The following ELMO1 variants were observed in gnomAD, a reference collection of about 807,000 sequenced individuals.
ELMO1 encodes the protein engulfment and cell motility protein 1.
Under a neutral mutation model 98.9 loss-of-function variants are expected in ELMO1, and 26 were observed. The ratio of observed to expected loss-of-function variants is 0.26; its 90% CI spans 0.19 to 0.36. The LOEUF (loss-of-function observed/expected upper bound fraction) is 0.36. ELMO1 is among the 10% of genes least tolerant of loss of function. The pLI is 1.00. For missense variants in ELMO1, 627 were observed against 935.2 expected (o/e 0.67, Z 4.30); for synonymous variants, 346 against 346.0 (o/e 1.00, Z 0.00).
intron 14 of ELMO1, among the ~76,000 whole-genome samples, chr7:37,114,491 C>A (rs1785445006): frequency 6.6e-6 from 1 of 152,132 alleles, no homozygotes; most frequent in Admixed American, 6.5e-5. Context: ...GAGCCAGAGA[C>A]TTTAGTCACT....
intron 5 of ELMO1, among the ~76,000 whole-genome samples, chr7:37,265,855 T>A (rs1796213588): frequency 6.6e-6 from 1 of 152,130 alleles, no homozygotes; most frequent in Non-Finnish European, 1.5e-5. Flanking sequence ...CACACCTGCA[T>A]CTGTCCAGGC....
intron 13 of ELMO1, among the ~76,000 whole-genome samples, chr7:37,171,887 G>C (rs1314742294): frequency 6.6e-6 from 1 of 152,130 alleles, no homozygotes; most frequent in Non-Finnish European, 1.5e-5. Flanking sequence ...AACACCATCA[G>C]ATTCAATCCA....
rs372268331 is a variant in ELMO1, at chr7:37,333,170, A to G, written c.78+9443T>C. ...CCTTGGAGTTCTGGACACACTGCAC[A>G]TTGGTCTATATACTCCTAAAGTACA... On this transcript the variant is annotated intron_variant, in intron 2 of 21. Coordinates refer to ENST00000310758, the MANE Select transcript of ELMO1 (RefSeq NM_014800.11). Among the ~76,000 whole-genome samples, 51 of 152,300 alleles carry G rather than the reference A, an allele frequency of 3.3e-4. No homozygotes were observed. The South Asian group carries it at 0.01, about 30-fold the overall frequency.
At position 37,000,376 on chromosome 7, in the gene ELMO1, G is replaced by A. The variant is rs117101816; in HGVS notation, c.1437+12923C>T. Among the ~76,000 whole-genome samples the A allele has an allele frequency of 5.7e-3, 861 of 152,204 alleles. 2 individuals carry two copies. Among genetic ancestry groups the A allele is most frequent in the Non-Finnish European group, 9.3e-3 (636 of 68,022 alleles). On this transcript the variant is annotated intron_variant, in intron 16 of 21. Transcript: ENST00000310758. ...CAAAAAGCCATATGCCATACACCTC[G>A]GATCCAGCCAAGCCACGCAAACAAA...
intron 4 of ELMO1, among the ~76,000 whole-genome samples, chr7:37,294,779 C>G (rs970240577): frequency 1.1e-4 from 17 of 152,136 alleles, no homozygotes; most frequent in African/African-American, 4.1e-4. Context: ...GCAGGTGGAT[C>G]GCCTGAGGTC....
intron 1 of ELMO1, among the ~76,000 whole-genome samples, chr7:37,383,608 C>T (rs954670101): frequency 6.6e-6 from 1 of 152,164 alleles, no homozygotes; most frequent in Admixed American, 6.5e-5. Context: ...TATTTTGTTA[C>T]ATTTTTGGAA....
rs148847189 is a variant in ELMO1, at chr7:37,140,510, A to C, written c.1087-7276T>G. ...TGACCAAGAACCCAAAAGCAAATGC[A>C]ACAAAAACAAACATAAATAGAAGGG... On this transcript the variant is annotated intron_variant, in intron 13 of 21. Transcript: ENST00000310758. 7.4e-3 allele frequency among the ~76,000 whole-genome samples: 1,126 copies of C among 152,338 alleles called. 14 individuals are homozygous for C. Among genetic ancestry groups the C allele is most frequent in the African/African-American group, 0.025 (1,031 of 41,586 alleles).
At chr7:36,923,898 A>T (rs1387789954) in intron 16 of ELMO1, among the ~76,000 whole-genome samples, 2 of 152,220 alleles carry the variant, frequency 1.3e-5, no homozygotes, top group African/African-American at 4.8e-5. Flanking sequence ...AGCCTGGCAC[A>T]TCTAGAAAAC....
chr7:37,375,900 G>A (rs550967082), intron 1 of ELMO1: 6 of 670,378 alleles, frequency 9.0e-6, no homozygotes, highest in African/African-American at 7.1e-5. Context: ...ACAGAGATAC[G>A]TGCAGACATA....
At chr7:36,892,142 T>C (rs1370552353) in intron 17 of ELMO1, among the ~76,000 whole-genome samples, 1 of 152,200 alleles carries the variant, frequency 6.6e-6, no homozygotes, top group African/African-American at 2.4e-5. Context: ...GACCATTTTA[T>C]AACAACAGGG....
At chr7:37,306,404 G>A (rs1383592269) in intron 4 of ELMO1, among the ~76,000 whole-genome samples, 1 of 152,182 alleles carries the variant, frequency 6.6e-6, no homozygotes, top group African/African-American at 2.4e-5. Flanking sequence ...AAAGGAGGTT[G>A]GACTTCATTC....
At chr7:36,927,895 G>T (rs1295654100) in intron 16 of ELMO1, among the ~76,000 whole-genome samples, 1 of 152,156 alleles carries the variant, frequency 6.6e-6, no homozygotes, top group African/African-American at 2.4e-5. Flanking sequence ...AGAGATTTGG[G>T]AGTTCAAATA....
chr7:37,308,588 T>G (rs1026260074), intron 4 of ELMO1, among the ~76,000 whole-genome samples: 1 of 152,218 alleles, frequency 6.6e-6, no homozygotes, highest in African/African-American at 2.4e-5. Flanking sequence ...CTGGTTAATT[T>G]CAGGTAAAGA....
At chr7:36,861,288 C>T (rs531745237) in intron 21 of ELMO1, among the ~76,000 whole-genome samples, 67 of 152,250 alleles carry the variant, frequency 4.4e-4, no homozygotes, top group Non-Finnish European at 1.3e-4. Context: ...AACCTACTTC[C>T]TCAGATGTTT....
intron 15 of ELMO1, among the ~76,000 whole-genome samples, chr7:37,014,945 C>T (rs1177900936): frequency 2.0e-5 from 3 of 152,074 alleles, no homozygotes; most frequent in African/African-American, 7.2e-5. Context: ...TGAACAAACC[C>T]TGATCAAGCC....
At chr7:37,028,296 T>C (rs1456891269) in intron 15 of ELMO1, among the ~76,000 whole-genome samples, 1 of 152,160 alleles carries the variant, frequency 6.6e-6, no homozygotes. Context: ...GTTAATACTT[T>C]CTAGAAAGCT....
intron 15 of ELMO1, among the ~76,000 whole-genome samples, chr7:37,035,718 GATT>G (rs1795138942): frequency 6.6e-6 from 1 of 152,162 alleles, no homozygotes; most frequent in Non-Finnish European, 1.5e-5. Flanking sequence ...AGGCTTAAAG[GATT>G]ACACTAAACT....
chr7:37,333,136 C>T (rs1482765744), intron 2 of ELMO1, among the ~76,000 whole-genome samples: 1 of 152,192 alleles, frequency 6.6e-6, no homozygotes, highest in African/African-American at 2.4e-5. Flanking sequence ...CTAGAGGCTG[C>T]TCTCATTTCC....
chr7:36,972,306 T>C (rs561027920), intron 16 of ELMO1, among the ~76,000 whole-genome samples: 1 of 152,314 alleles, frequency 6.6e-6, no homozygotes, highest in South Asian at 2.1e-4. Context: ...CCATGCCATG[T>C]CGCAATTTCA....
Sources: allele counts gnomAD v4.1 joint callset (sites outside exome capture counted in the v4.1 genomes callset), GRCh38; gene constraint gnomAD v4.1.1; transcripts MANE v1.5; gene names NCBI Gene and HGNC (gene_info 2026-07-23, HGNC 2026-07-21).